Variants in INTS1 observed in about 807,000 individuals in gnomAD.
INTS1 encodes integrator complex subunit 1.
In INTS1, 137 loss-of-function variants were observed where a neutral mutation model predicts 241.6. The observed-to-expected ratio is 0.57, with a 90% confidence interval of 0.49 to 0.65. INTS1 has a LOEUF of 0.65. Among genes scored for constraint, INTS1 ranks in the 30% least tolerant of loss-of-function variants. The pLI is 0.00. For missense variants in INTS1, 3,073 were observed against 3,032.2 expected, an observed-to-expected ratio of 1.01 and a Z score of -0.32; for synonymous variants, 1,692 against 1,337.8, an observed-to-expected ratio of 1.26 and a Z score of -5.78.
At chr7:1,474,147 G>A in intron 41 of INTS1, 21 bp downstream of exon 41, 1 of 1,542,100 alleles carries the variant, frequency 6.5e-7, no homozygotes, top group Non-Finnish European at 8.7e-7. Context: ...GAGCGCGAGG[G>A]CGGGCGGCGG....
At chr7:1,480,714 C>G (rs1584269490) in intron 29 of INTS1, 121 bp downstream of exon 29, 2 of 821,590 alleles carry the variant, frequency 2.4e-6, no homozygotes, top group East Asian at 5.4e-5. Context: ...GTGGCATCAG[C>G]AAGTGTGCAC....
At position 1,499,589 on chromosome 7, in the gene INTS1, C is replaced by A. The variant is rs968187154; in HGVS notation, c.728G>T (p.Ser243Ile). The A allele has an allele frequency of 6.2e-7, 1 of 1,613,430 alleles. No homozygotes were observed. ...DSLGERIWVD[S>I]PHCKTFVDNI... is the part of the protein sequence containing the mutation. ...GTCCACAAACGTCTTACAGTGAGGG[C>A]TGTCCACCCAGATCCGCTCCCCCAG... is the stretch of plus-strand genomic sequence containing the variant. The change falls in exon 6 of 48, where the codon AGC becomes ATC. Residue 243 changes from serine (S) to isoleucine (I), a missense_variant. Transcript: ENST00000404767.
chr7:1,500,095 C>A (rs1387810772), intron 4 of INTS1, 74 bp from the exon 5 acceptor site: 1 of 1,592,568 alleles, frequency 6.3e-7, no homozygotes, highest in Non-Finnish European at 8.6e-7. Flanking sequence ...CCGGGAGGGA[C>A]ACTTAAGGGG....
At position 1,498,553 on chromosome 7, in the gene INTS1, C is replaced by A; in HGVS notation, c.1284G>T (p.Arg428Ser). Residue 428 changes from arginine to serine, a missense_variant and splice_region_variant, in exon 10 of 48, where the codon AGG (arginine) becomes AGT (serine). By Grantham distance (110) the Arg-to-Ser change is moderately radical. Coordinates refer to ENST00000404767, the MANE Select transcript of INTS1 (RefSeq NM_001080453.3). Reference protein sequence around the residue: ...VLLNHFMLCIRELLSAHKDNL... With the variant: ...VLLNHFMLCISELLSAHKDNL... The stretch of plus-strand genomic sequence containing the variant: ...TGTCCTTGTGCGCGCTCAGCAGCTC[C>A]CTGGGTGAGGTGAGGGTACAGACCC... The A allele has an allele frequency of 6.2e-7, 1 of 1,613,610 alleles. No individual in the cohort carries two copies. The highest frequency in any genetic ancestry group is 8.5e-7 in the Non-Finnish European group (1 of 1,179,844).
In INTS1 at chr7:1,471,658, G is replaced by A. The variant is rs1042349862; in HGVS notation, c.6185-17C>T. ...CCAGCAGATCTGACACAGAGAGAGG[G>A]CCAGACCAGAACTGAAGGGCCCAGG... is the stretch of plus-strand genomic sequence containing the variant. On this transcript the variant is annotated splice_polypyrimidine_tract_variant and intron_variant, in intron 44 of 47. Coordinates refer to ENST00000404767, the MANE Select transcript of INTS1 (RefSeq NM_001080453.3). 5.6e-6 allele frequency: 9 copies of A among 1,611,674 alleles called. No homozygotes were observed. The highest frequency in any genetic ancestry group is 2.2e-5 in the East Asian group (1 of 44,874).
chr7:1,478,719 T>G lies in INTS1; in HGVS notation c.4489+7A>C, dbSNP rs1440918778. ...CCAGCCGTCTGCCAGCCCGGCGCGG[T>G]CCTCACCATCACTGAGCCTGCGCCC... On this transcript the variant is annotated splice_region_variant and intron_variant, in intron 32 of 47. Coordinates refer to ENST00000404767, the MANE Select transcript of INTS1 (RefSeq NM_001080453.3). 6.4e-7 allele frequency: 1 copy of G among 1,563,432 alleles called. No individual in the cohort carries two copies. The highest frequency in any genetic ancestry group is 1.8e-5 in the Admixed American group (1 of 56,496).
Position 1,486,979 on chromosome 7 carries a change from A to G in INTS1, c.2769T>C (p.Ala923=). ...CGCCCTCGTCGTCCTCCTCCCCGGA[A>G]GCAGCATCGTCCACAGCATCGTGCA... ...FLLHDAVDDA[A]SGEEDDEGES... is the part of the protein sequence containing the mutation. Residue 923 remains alanine (A), a synonymous_variant, in exon 21 of 48, where the codon GCT becomes GCC. Transcript: ENST00000404767. 1 of 1,608,474 alleles carries G rather than the reference A, an allele frequency of 6.2e-7. No individual in the cohort carries two copies. The highest frequency in any genetic ancestry group is 8.5e-7 in the Non-Finnish European group (1 of 1,179,342).
chr7:1,484,520 C>A (rs1349884180), intron 24 of INTS1, among the ~76,000 whole-genome samples: 1 of 152,214 alleles, frequency 6.6e-6, no homozygotes, highest in African/African-American at 2.4e-5. Context: ...ACAAGAGAAC[C>A]GTGATGCAAA....
In INTS1 at chr7:1,478,264, T is replaced by C. The variant is rs1166272709; in HGVS notation, c.4630+102A>G. 6 of 1,323,580 alleles carry C rather than the reference T, an allele frequency of 4.5e-6. No homozygotes were observed. In the African/African-American group the frequency reaches 7.2e-5, roughly 16 times the overall value. The allele number at this position is 1,323,580 out of a possible 1,614,324, so 82.0% of individuals were successfully genotyped here. A position where few individuals can be genotyped will look rare whatever the true frequency, so the allele number is the denominator to read the frequency against. On this transcript the variant is annotated intron_variant, in intron 33 of 47. Transcript: ENST00000404767. ...TGTGGGCACTTTCCGGGGACAGTGC[T>C]GAGCAGACACTGTCCGTCCCCCACT...
Position 1,493,178 on chromosome 7 carries a change from G to C in INTS1, c.2069-72C>G. On this transcript the variant is annotated intron_variant, in intron 15 of 47. Transcript: ENST00000404767. This position sits in a 1 kb window ranked among gnomAD's most constrained non-coding sequence, Gnocchi z 5.3. ...TCAGGCACAGGCAGCGAGGGAACCG[G>C]CCCTGCTCGGGCCGCGTCGGGGTGG... is the stretch of plus-strand genomic sequence containing the variant. 8.0e-7 allele frequency: 1 copy of C among 1,243,430 alleles called. No homozygotes were observed. Among genetic ancestry groups the C allele is most frequent in the African/African-American group, 1.5e-5 (1 of 66,878 alleles). The allele number at this position is 1,243,430 out of a possible 1,614,324, so 77.0% of individuals were successfully genotyped here. A position where few individuals can be genotyped will look rare whatever the true frequency, so the allele number is the denominator to read the frequency against.
intron 29 of INTS1, 128 bp downstream of exon 29, chr7:1,480,707 G>T (rs551512034): frequency 2.5e-6 from 2 of 788,224 alleles, no homozygotes; most frequent in South Asian, 1.8e-5. Flanking sequence ...CTCTCAGGTG[G>T]CATCAGCAAG....
chr7:1,503,122 G>C lies in INTS1; in HGVS notation c.128C>G (p.Ser43Cys). The C allele has an allele frequency of 6.2e-7, 1 of 1,600,420 alleles. No homozygotes were observed. The highest frequency in any genetic ancestry group is 8.5e-7 in the Non-Finnish European group (1 of 1,170,864). The change falls in exon 3 of 48, where the codon TCC becomes TGC. Residue 43 changes from serine to cysteine, a missense_variant. Transcript: ENST00000404767. The stretch of plus-strand genomic sequence containing the variant: ...GGAAGGGGCTGGCTTCAGCAGGGTG[G>C]ACGCCGTTTTCGATTCATTGGCCTG... ...KGQANESKTA[S>C]TLLKPAPSGL... is the part of the protein sequence containing the mutation.
At position 1,480,949 on chromosome 7, in the gene INTS1, G is replaced by C. The variant is rs779393095; in HGVS notation, c.3851-16C>G. On this transcript the variant is annotated splice_polypyrimidine_tract_variant and intron_variant, in intron 28 of 47. Coordinates refer to ENST00000404767, the MANE Select transcript of INTS1 (RefSeq NM_001080453.3). ...GCCATGTAATCTGCAAACCGTAGCA[G>C]GGTCACACCTGGGCGCGGCCAGGGG... 3.8e-6 allele frequency: 6 copies of C among 1,576,170 alleles called. No individual in the cohort carries two copies. Among genetic ancestry groups the C allele is most frequent in the Middle Eastern group, 1.7e-4 (1 of 5,866 alleles).
chr7:1,499,096 C>T lies in INTS1; in HGVS notation c.1016G>A (p.Arg339Gln), dbSNP rs1783014530. 6 of 1,610,572 alleles carry T rather than the reference C, an allele frequency of 3.7e-6. No homozygotes were observed. The highest frequency in any genetic ancestry group is 1.1e-5 in the South Asian group (1 of 90,784). The part of the protein sequence containing the change: ...VLDMLRDQLN[R>Q]RQPIDNVSRN... ...GGAGACGTTGTCGATGGGCTGGCGC[C>T]GGTTCAGCTGGTCCCGCAGCATGTC... Residue 339 changes from arginine (R) to glutamine (Q), a missense_variant, in exon 8 of 48, where the codon CGG (arginine) becomes CAG (glutamine). Coordinates refer to ENST00000404767, the MANE Select transcript of INTS1 (RefSeq NM_001080453.3).
At position 1,498,534 on chromosome 7, in the gene INTS1, T is replaced by G; in HGVS notation, c.1303A>C (p.Lys435Gln). Residue 435 changes from lysine to glutamine, a missense_variant, in exon 10 of 48, where the codon AAG becomes CAG. Physicochemically the swap from Lys to Gln is moderately conservative, Grantham distance 53. Coordinates refer to ENST00000404767, the MANE Select transcript of INTS1 (RefSeq NM_001080453.3). ...TTGATGGTGGTGCCCAGGTTGTCCT[T>G]GTGCGCGCTCAGCAGCTCCCTGGGT... ...LCIRELLSAH[K>Q]DNLGTTIKLV... 1 of 1,613,782 alleles carries G rather than the reference T, an allele frequency of 6.2e-7. No homozygotes were observed. Among genetic ancestry groups the G allele is most frequent in the South Asian group, 1.1e-5 (1 of 91,082 alleles).
chr7:1,482,862 G>A, intron 26 of INTS1, 155 bp from the exon 27 acceptor site: 1 of 826,994 alleles, frequency 1.2e-6, no homozygotes, highest in Admixed American at 2.6e-5. Context: ...CACTTGCTAT[G>A]TGCGGATGCT....
rs1436941157 is a variant in INTS1 at position 1,487,935 on chromosome 7, T to C, written c.2341A>G (p.Thr781Ala). The change falls in exon 19 of 48, where the codon ACC (threonine) becomes GCC (alanine). Residue 781 changes from threonine to alanine, a missense_variant. By Grantham distance (58) the Thr-to-Ala change is moderately conservative. Coordinates refer to ENST00000404767, the MANE Select transcript of INTS1 (RefSeq NM_001080453.3). ...GTCCGGGTCTCCTCATCCGTCAGGG[T>C]GCACGGTGGGTAGGAGTAGTTGCTA... ...MTNNYSYPPC[T>A]LTDEETRTEM... 1 of 1,613,282 alleles carries C rather than the reference T, an allele frequency of 6.2e-7. No homozygotes were observed. The highest frequency in any genetic ancestry group is 8.5e-7 in the Non-Finnish European group (1 of 1,179,818).
intron 16 of INTS1, among the ~76,000 whole-genome samples, chr7:1,491,264 G>A (rs1009535673): frequency 6.6e-6 from 1 of 152,250 alleles, no homozygotes; most frequent in Non-Finnish European, 1.5e-5. Context: ...GCCCACGTGG[G>A]TCCACAGGAC....
At chr7:1,477,097 C>T (rs1446254255) in intron 35 of INTS1, among the ~76,000 whole-genome samples, 179 bp from the exon 36 acceptor site, 2 of 152,216 alleles carry the variant, frequency 1.3e-5, no homozygotes, top group South Asian at 2.1e-4. Flanking sequence ...TGCATCTCCC[C>T]GCCCCTTCCC....
Sources: gnomAD v4.1 joint callset for allele counts (sites outside exome capture counted in the v4.1 genomes callset) on GRCh38, gnomAD v4.1.1 for gene constraint, Gnocchi (gnomAD v3.1) non-coding constraint, MANE v1.5 for transcripts, NCBI Gene and HGNC (gene_info 2026-07-23, HGNC 2026-07-21) for gene names.